The following DDAH1 variants were observed in gnomAD, a reference collection of about 807,000 sequenced individuals.
The protein encoded by DDAH1 is N(G),N(G)-dimethylarginine dimethylaminohydrolase 1.
DDAH1 carries 19 observed loss-of-function variants against 28.8 expected under a neutral mutation model. The ratio of observed to expected loss-of-function variants is 0.66; its 90% CI spans 0.46 to 0.97. The LOEUF is 0.97. Among genes scored for constraint, DDAH1 ranks in the 50% least tolerant of loss-of-function variants. The pLI, the probability that DDAH1 is intolerant of heterozygous loss-of-function variation, is 0.00. For synonymous variants in DDAH1, 153 were observed against 154.4 expected (o/e 0.99, Z 0.07); for missense variants, 326 against 375.9 (o/e 0.87, Z 1.10).
intron 4 of DDAH1, among the ~76,000 whole-genome samples, chr1:85,341,799 C>T (rs950270158): frequency 6.6e-6 from 1 of 151,690 alleles, no homozygotes; most frequent in Non-Finnish European, 1.5e-5. Flanking sequence ...GGTGACAGAG[C>T]GAGACTCTGT....
exon 1 of DDAH1, chr1:85,578,070 G>A (rs1659662134): frequency 2.1e-6 from 2 of 955,974 alleles, no homozygotes; most frequent in Non-Finnish European, 2.5e-6. Context: ...GGCGACGGGA[G>A]GCTGGGGTTT....
At chr1:85,350,258 G>T (rs529520418) in intron 4 of DDAH1, among the ~76,000 whole-genome samples, 157 bp downstream of exon 4, 1 of 152,170 alleles carries the variant, frequency 6.6e-6, no homozygotes, top group African/African-American at 2.4e-5. Flanking sequence ...GGCTTCTAAT[G>T]AATGTGAGGT....
chr1:85,424,541 G>A lies in DDAH1; in HGVS notation c.303+40202C>T, dbSNP rs1557613163. On this transcript the variant is annotated intron_variant, in intron 1 of 5. Transcript: ENST00000284031. Reference sequence around the variant, plus strand: ...TCTTTGTAGATACAGAGATAGTCTGGTGAGCATGCTTTTTAAAAAACTATT... The same window carrying A: ...TCTTTGTAGATACAGAGATAGTCTGATGAGCATGCTTTTTAAAAAACTATT... Among the ~76,000 whole-genome samples the A allele has an allele frequency of 2.0e-5, 3 of 152,012 alleles. No individual in the cohort carries two copies. The South Asian group carries it at 6.2e-4, about 31-fold the overall frequency.
chr1:85,575,875 C>T (rs1570689463), intron 1 of DDAH1: 1 of 151,922 alleles, frequency 6.6e-6, no homozygotes, highest in Non-Finnish European at 1.5e-5. Flanking sequence ...AATGGTGTTA[C>T]TCAGGAAAGG....
intron 1 of DDAH1, among the ~76,000 whole-genome samples, chr1:85,540,907 C>T (rs900535707): frequency 4.8e-5 from 7 of 146,958 alleles, no homozygotes; most frequent in Non-Finnish European, 3.0e-5. Flanking sequence ...TTGCAGTGAG[C>T]CAAGATCGTG....
intron 1 of DDAH1, among the ~76,000 whole-genome samples, chr1:85,453,394 C>A (rs954325932): frequency 6.6e-6 from 1 of 152,206 alleles, no homozygotes; most frequent in African/African-American, 2.4e-5. Context: ...CCAAGTCTCA[C>A]AATTCCAAGC....
At chr1:85,555,223 T>C (rs1186955679) in intron 1 of DDAH1, among the ~76,000 whole-genome samples, 1 of 152,212 alleles carries the variant, frequency 6.6e-6, no homozygotes, top group African/African-American at 2.4e-5. Flanking sequence ...TAGGAGATAG[T>C]GGATTCGACT....
chr1:85,572,774 G>A (rs147652550), intron 1 of DDAH1, among the ~76,000 whole-genome samples: 2 of 152,302 alleles, frequency 1.3e-5, no homozygotes, highest in African/African-American at 4.8e-5. Context: ...TCTCATAGAT[G>A]AGGAAACCAA....
At chr1:85,532,742 C>T (rs1658133486) in intron 1 of DDAH1, among the ~76,000 whole-genome samples, 1 of 152,088 alleles carries the variant, frequency 6.6e-6, no homozygotes, top group African/African-American at 2.4e-5. Context: ...CTCTGGGGTT[C>T]ACAGAGCAAA....
At chr1:85,570,589 G>T (rs1404572013) in intron 1 of DDAH1, among the ~76,000 whole-genome samples, 1 of 152,092 alleles carries the variant, frequency 6.6e-6, no homozygotes, top group African/African-American at 2.4e-5. Context: ...CATTTCCTCT[G>T]GAATCTGTCA....
At chr1:85,329,955 C>T (rs1428374316) in intron 4 of DDAH1, among the ~76,000 whole-genome samples, 1 of 152,154 alleles carries the variant, frequency 6.6e-6, no homozygotes, top group Non-Finnish European at 1.5e-5. Flanking sequence ...GCTAAAGGTG[C>T]TTATTATAAA....
chr1:85,574,871 A>T (rs113559835), intron 1 of DDAH1, among the ~76,000 whole-genome samples: 6 of 151,856 alleles, frequency 4.0e-5, no homozygotes, highest in African/African-American at 1.4e-4. Context: ...CATGGTGAAA[A>T]CCCATCTCTC....
At chr1:85,422,743 A>ATCTT (rs1298761958) in intron 1 of DDAH1, among the ~76,000 whole-genome samples, 1 of 152,140 alleles carries the variant, frequency 6.6e-6, no homozygotes, top group Non-Finnish European at 1.5e-5. Context: ...TAGAAATGGG[A>ATCTT]TCTTTGGGAG....
At chr1:85,373,063 A>G (rs1229800840) in intron 1 of DDAH1, among the ~76,000 whole-genome samples, 1 of 152,162 alleles carries the variant, frequency 6.6e-6, no homozygotes, top group Non-Finnish European at 1.5e-5. Context: ...GTTGATATTC[A>G]AATCTTGAAA....
At chr1:85,343,698 C>CTAGT (rs1648655683) in intron 4 of DDAH1, among the ~76,000 whole-genome samples, 1 of 152,156 alleles carries the variant, frequency 6.6e-6, no homozygotes, top group African/African-American at 2.4e-5. Context: ...TTGATATGAG[C>CTAGT]TAGTTAGTTC....
In DDAH1 at chr1:85,319,181, T is replaced by C. The variant is rs1429803215; in HGVS notation, c.*2271A>G. ...GCAAGTAATTTAGGTTTTCACATCA[T>C]CAATCATATAGGGAGTCCAAAGAAG... On this transcript the variant is annotated 3_prime_UTR_variant, in exon 6 of 6. Coordinates refer to ENST00000284031, the MANE Select transcript of DDAH1 (RefSeq NM_012137.4). The C allele has an allele frequency of 2.0e-5, 3 of 152,154 alleles. No individual in the cohort carries two copies. Among genetic ancestry groups the C allele is most frequent in the Non-Finnish European group, 4.4e-5 (3 of 68,028 alleles). The allele number at this position is 152,154 out of a possible 1,614,324, so 9.4% of individuals were successfully genotyped here.
intron 1 of DDAH1, among the ~76,000 whole-genome samples, chr1:85,439,572 T>A (rs1369087360): frequency 6.6e-6 from 1 of 152,266 alleles, no homozygotes; most frequent in Admixed American, 6.5e-5. Flanking sequence ...TTGTTTCTTA[T>A]ATCTGTTTTC....
intron 1 of DDAH1, among the ~76,000 whole-genome samples, chr1:85,502,328 G>A (rs538630892): frequency 1.3e-5 from 2 of 152,206 alleles, no homozygotes; most frequent in African/African-American, 4.8e-5. Flanking sequence ...TACACCCCAC[G>A]CACTCTGCTA....
At chr1:85,524,891 C>T (rs1439830981) in intron 1 of DDAH1, among the ~76,000 whole-genome samples, 13 of 130,292 alleles carry the variant, frequency 1.0e-4, no homozygotes, top group Non-Finnish European at 1.5e-4. Context: ...CATCCCAGTA[C>T]TTAATAAGCC....
Sources: allele counts gnomAD v4.1 joint callset (sites outside exome capture counted in the v4.1 genomes callset), GRCh38; gene constraint gnomAD v4.1.1; transcripts MANE v1.5; gene names NCBI Gene and HGNC (gene_info 2026-07-23, HGNC 2026-07-21).